Variants in WFDC1 observed in about 807,000 individuals in gnomAD.
WFDC1 encodes WAP four-disulfide core domain 1.
A neutral mutation model predicts 32.9 loss-of-function variants in WFDC1; 39 were observed. That is an observed-to-expected ratio of 1.19 (90% CI 0.92 to 1.55). The LOEUF is 1.55. Among genes scored for constraint, WFDC1 ranks in the 40% most tolerant of loss-of-function variants. The pLI is 0.00. For missense variants in WFDC1, 386 were observed against 309.5 expected, an observed-to-expected ratio of 1.25 and a Z score of -1.85; for synonymous variants, 184 against 137.4, an observed-to-expected ratio of 1.34 and a Z score of -2.37.
chr16:84,313,282 C>A, intron 2 of WFDC1, 129 bp downstream of exon 2: 1 of 828,792 alleles, frequency 1.2e-6, no homozygotes, highest in Non-Finnish European at 1.6e-6. Flanking sequence ...GCCTCCACTG[C>A]GCACCTGTGA....
intron 1 of WFDC1, 167 bp downstream of exon 1, chr16:84,295,282 G>A: frequency 1.2e-6 from 1 of 809,364 alleles, no homozygotes; most frequent in Non-Finnish European, 1.8e-6. Flanking sequence ...GGGCAGATGG[G>A]GCTCACCCCC....
Position 84,313,074 on chromosome 16 carries a change from C to T in WFDC1, c.258C>T (p.Asp86=). 2.1e-6 allele frequency: 3 copies of T among 1,422,982 alleles called. No individual in the cohort carries two copies. Among genetic ancestry groups the T allele is most frequent in the Non-Finnish European group, 1.8e-6 (2 of 1,093,750 alleles). 88.1% of individuals were successfully genotyped at this position (1,422,982 alleles called of 1,614,324 possible). A position where few individuals can be genotyped will look rare whatever the true frequency, so the allele number is the denominator to read the frequency against. Residue 86 remains aspartate (D), a synonymous_variant, in exon 2 of 7, where the codon GAC becomes GAT. Coordinates refer to ENST00000219454, the MANE Select transcript of WFDC1 (RefSeq NM_021197.4). ...GCCAGGCCGCGCGCTGTCAGGCGGACTCCGAGTGCCCGCGGCACCGGCGCT... is the reference window on the plus strand; with the variant it reads ...GCCAGGCCGCGCGCTGTCAGGCGGATTCCGAGTGCCCGCGGCACCGGCGCT... ...GACQAARCQA[D]SECPRHRRCC...
At chr16:84,318,448 C>T in intron 3 of WFDC1, 93 bp downstream of exon 3, 6 of 1,235,202 alleles carry the variant, frequency 4.9e-6, no homozygotes, top group Admixed American at 1.9e-5. Context: ...GGCCGGCTGT[C>T]CCCCATGCAC....
At chr16:84,302,414 G>C (rs1906995029) in intron 1 of WFDC1, among the ~76,000 whole-genome samples, 1 of 152,150 alleles carries the variant, frequency 6.6e-6, no homozygotes, top group Non-Finnish European at 1.5e-5. Context: ...GCGAGAACCT[G>C]AGGCACCTCT....
chr16:84,323,681 C>G (rs963782520), intron 4 of WFDC1, among the ~76,000 whole-genome samples: 17 of 152,234 alleles, frequency 1.1e-4, no homozygotes, highest in African/African-American at 3.6e-4. Flanking sequence ...GATTCATACT[C>G]AAGTTACTTT....
At chr16:84,327,103 C>G (rs1264100522) in intron 6 of WFDC1, 148 bp downstream of exon 6, 1 of 727,240 alleles carries the variant, frequency 1.4e-6, no homozygotes, top group South Asian at 1.7e-5. Context: ...GCAGTAAGTC[C>G]TCACCTAACG....
At chr16:84,301,919 G>A (rs1906960398) in intron 1 of WFDC1, among the ~76,000 whole-genome samples, 1 of 152,226 alleles carries the variant, frequency 6.6e-6, no homozygotes, top group Non-Finnish European at 1.5e-5. Context: ...ACTCGGGAGA[G>A]GGAGACAGGA....
chr16:84,310,102 C>T (rs770772547), intron 1 of WFDC1, among the ~76,000 whole-genome samples: 4 of 151,948 alleles, frequency 2.6e-5, no homozygotes, highest in Non-Finnish European at 5.9e-5. Context: ...ACAGGAGGCT[C>T]GAGGCCCTCC....
intron 2 of WFDC1, 89 bp from the exon 3 acceptor site, chr16:84,318,183 G>A (rs4782606): frequency 0.069 from 83,161 of 1,204,092 alleles, 3,494 homozygotes; most frequent in Non-Finnish European, 0.082. Context: ...CCTCTGTGCT[G>A]TCATGAAGTT....
chr16:84,320,488 A>T (rs1042210910), intron 4 of WFDC1, among the ~76,000 whole-genome samples: 3 of 152,250 alleles, frequency 2.0e-5, no homozygotes, highest in African/African-American at 7.2e-5. Flanking sequence ...CAATAAATAG[A>T]TGAGTGAATT....
intron 5 of WFDC1, among the ~76,000 whole-genome samples, chr16:84,325,343 C>T (rs1292715617): frequency 2.0e-5 from 3 of 152,068 alleles, no homozygotes; most frequent in African/African-American, 7.2e-5. Context: ...GCTGGGATTA[C>T]AGGTGTCCGC....
intron 1 of WFDC1, among the ~76,000 whole-genome samples, chr16:84,305,958 G>A (rs565222423): frequency 8.6e-5 from 13 of 151,718 alleles, no homozygotes; most frequent in African/African-American, 2.4e-4. Flanking sequence ...AGCTGAGATC[G>A]TGCCCTTGCA....
At chr16:84,319,660 C>A in intron 4 of WFDC1, 89 bp downstream of exon 4, 1 of 1,523,640 alleles carries the variant, frequency 6.6e-7, no homozygotes, top group South Asian at 1.3e-5. Flanking sequence ...ACGACCTGCC[C>A]CAGGAAGCAG....
chr16:84,310,216 G>T (rs1420281927), intron 1 of WFDC1, among the ~76,000 whole-genome samples: 3 of 151,762 alleles, frequency 2.0e-5, no homozygotes, highest in Admixed American at 6.6e-5. Context: ...AGCGGGGGTG[G>T]TGTGGCCCTA....
rs200386133 is a variant in WFDC1, at chr16:84,324,463, A to G, written c.604+3A>G. 3.7e-6 allele frequency: 6 copies of G among 1,613,504 alleles called. No homozygotes were observed. The highest frequency in any genetic ancestry group is 3.3e-4 in the Middle Eastern group (2 of 6,054). ...CAAACTTTACAAAGAATATCCAGGT[A>G]AAAGAAGAAACTGTTCTTTCTTTCC... is the stretch of plus-strand genomic sequence containing the variant. On this transcript the variant is annotated splice_donor_region_variant and intron_variant, in intron 5 of 6. Transcript: ENST00000219454.
intron 3 of WFDC1, 75 bp from the exon 4 acceptor site, chr16:84,319,356 T>C (rs2288028): frequency 8.3e-6 from 13 of 1,559,716 alleles, no homozygotes; most frequent in Non-Finnish European, 1.1e-5. Context: ...CCCGGGAGTC[T>C]GCCTTCTAGA....
At chr16:84,323,964 T>C (rs1597695274) in intron 4 of WFDC1, among the ~76,000 whole-genome samples, 1 of 152,110 alleles carries the variant, frequency 6.6e-6, no homozygotes, top group African/African-American at 2.4e-5. Context: ...CTACTCAAAA[T>C]ACAAAATTGA....
chr16:84,321,585 C>G (rs935366088), intron 4 of WFDC1, among the ~76,000 whole-genome samples: 2 of 152,164 alleles, frequency 1.3e-5, no homozygotes, highest in African/African-American at 2.4e-5. Flanking sequence ...AGACCAAGGT[C>G]AAACCAAGTC....
At chr16:84,325,023 C>G (rs116524516) in intron 5 of WFDC1, among the ~76,000 whole-genome samples, 112 of 152,190 alleles carry the variant, frequency 7.4e-4, no homozygotes, top group Middle Eastern at 3.4e-3. Context: ...ATTCATCCAT[C>G]CATCCACATA....
Sources: allele counts gnomAD v4.1 joint callset (sites outside exome capture counted in the v4.1 genomes callset), GRCh38; gene constraint gnomAD v4.1.1; transcripts MANE v1.5; gene names NCBI Gene and HGNC (gene_info 2026-07-23, HGNC 2026-07-21).